The following MYO1C variants were observed in gnomAD, a reference collection of about 807,000 sequenced individuals.
MYO1C encodes unconventional myosin-Ic.
MYO1C carries 104 observed loss-of-function variants against 150.8 expected under a neutral mutation model. The observed-to-expected ratio is 0.69, with a 90% CI of 0.59 to 0.81. The LOEUF (loss-of-function observed/expected upper bound fraction) is 0.81. Ranked by LOEUF, MYO1C falls within the 30% of genes least tolerant of loss-of-function variation. The pLI is 0.00. For missense variants in MYO1C, 1,504 were observed against 1,435.0 expected (o/e 1.05, Z -0.78); for synonymous variants, 663 against 579.9 (o/e 1.14, Z -2.06).
rs1214515492 is a variant in MYO1C, at chr17:1,479,095, A to G, written c.1092+336T>C. On this transcript the variant is annotated intron_variant, in intron 9 of 31. Coordinates refer to ENST00000648651, the MANE Select transcript of MYO1C (RefSeq NM_001080779.2). The surrounding 1 kb of genome is among the most constrained non-coding windows in gnomAD (Gnocchi z 4.2). Reference sequence around the variant, plus strand: ...CTGCAACCTCCACCTCCCGGGTTCAAGCGATTCTCCTGCCTCAGCCTCCCG... The same window carrying G: ...CTGCAACCTCCACCTCCCGGGTTCAGGCGATTCTCCTGCCTCAGCCTCCCG... Among the ~76,000 whole-genome samples the G allele has an allele frequency of 1.3e-5, 2 of 152,198 alleles. No homozygotes were observed. The highest frequency in any genetic ancestry group is 2.9e-5 in the Non-Finnish European group (2 of 68,002).
intron 17 of MYO1C, among the ~76,000 whole-genome samples, chr17:1,474,140 A>C (rs1377380119): frequency 1.3e-5 from 2 of 152,032 alleles, no homozygotes; most frequent in Non-Finnish European, 2.9e-5. Context: ...CAAGTAGGCA[A>C]ACAGGGACAG....
At position 1,467,359 on chromosome 17, in the gene MYO1C, G is replaced by A; in HGVS notation, c.3066-18C>T. ...ACGTGATGCTGGGGGAACGGGGTGGGTGAGGGTTTTTCCATGGAGGCAGAC... is the reference window on the plus strand; with the variant it reads ...ACGTGATGCTGGGGGAACGGGGTGGATGAGGGTTTTTCCATGGAGGCAGAC... On this transcript the variant is annotated intron_variant, in intron 30 of 31. Transcript: ENST00000648651. 1.2e-6 allele frequency: 2 copies of A among 1,608,124 alleles called. No individual in the cohort carries two copies. Among genetic ancestry groups the A allele is most frequent in the African/African-American group, 1.3e-5 (1 of 74,968 alleles).
At chr17:1,482,643 C>T in intron 4 of MYO1C, 85 bp from the exon 5 acceptor site, 1 of 1,189,816 alleles carries the variant, frequency 8.4e-7, no homozygotes, top group Non-Finnish European at 1.2e-6. Flanking sequence ...CTGCCCCTCC[C>T]CTCCCGCACT....
rs1567515264 is a variant in MYO1C, at chr17:1,469,257, T to A, written c.2610+274A>T. ...GGGTCAATACTATAGACGGGGTAAATACAGTAGATTGCGGTAAATAGAGTA... is the reference window on the plus strand; with the variant it reads ...GGGTCAATACTATAGACGGGGTAAAAACAGTAGATTGCGGTAAATAGAGTA... On this transcript the variant is annotated intron_variant, in intron 25 of 31. Coordinates refer to ENST00000648651, the MANE Select transcript of MYO1C (RefSeq NM_001080779.2). 1.4e-5 allele frequency: 7 copies of A among 488,500 alleles called. No individual in the cohort carries two copies. The East Asian group carries it at 2.7e-4, about 19-fold the overall frequency. The allele number at this position is 488,500 out of a possible 1,614,324, so 30.3% of individuals were successfully genotyped here.
chr17:1,471,931 C>A lies in MYO1C; in HGVS notation c.1997G>T (p.Arg666Leu). The change falls in exon 19 of 32, where the codon CGC becomes CTC. Residue 666 changes from arginine to leucine, a missense_variant. Transcript: ENST00000648651. ...RVRRAGFAYR[R>L]KYEAFLQRYK... ...CCTTTGCAGGAAAGCTTCGTATTTG[C>A]GGCGATAGGCAAAGCCGGCTCTGCG... The A allele has an allele frequency of 1.2e-6, 2 of 1,614,080 alleles. No homozygotes were observed. Among genetic ancestry groups the A allele is most frequent in the Non-Finnish European group, 1.7e-6 (2 of 1,180,016 alleles).
In MYO1C at chr17:1,479,359, G is replaced by A. The variant is rs2074465231; in HGVS notation, c.1092+72C>T. The A allele has an allele frequency of 2.5e-6, 2 of 797,412 alleles. No individual in the cohort carries two copies. Among genetic ancestry groups the A allele is most frequent in the East Asian group, 2.7e-5 (1 of 37,670 alleles). 49.4% of individuals were successfully genotyped at this position (797,412 alleles called of 1,614,324 possible). On this transcript the variant is annotated intron_variant, in intron 9 of 31. Transcript: ENST00000648651. This position sits in a 1 kb window ranked among gnomAD's most constrained non-coding sequence, Gnocchi z 4.2. ...GCATTGCTGAGGGAACCAGGCGAAG[G>A]GGAGTGATGGGAGTAGGGGCTGCCT...
intron 1 of MYO1C, among the ~76,000 whole-genome samples, chr17:1,490,367 A>G (rs1373298223): frequency 2.6e-5 from 4 of 151,666 alleles, no homozygotes; most frequent in Non-Finnish European, 4.4e-5. Flanking sequence ...GCGCGGTGGC[A>G]CACACCTGTA....
rs567435923 is a variant in MYO1C, at chr17:1,470,179, C to T, written c.2522G>A (p.Arg841His). The T allele has an allele frequency of 5.6e-6, 9 of 1,609,254 alleles. No homozygotes were observed. The highest frequency in any genetic ancestry group is 1.9e-4 in the Middle Eastern group (1 of 5,282). The change falls in exon 24 of 32, where the codon CGT becomes CAT. Residue 841 changes from arginine (R) to histidine (H), a missense_variant. Coordinates refer to ENST00000648651, the MANE Select transcript of MYO1C (RefSeq NM_001080779.2). ...TSWPTPPPAL[R>H]EASELLRELC... ...TGGCAGGGGGTGCCCACAGACCTCA[C>T]GCAGGGCAGGTGGGGGCGTGGGCCA...
intron 13 of MYO1C, 140 bp from the exon 14 acceptor site, chr17:1,477,736 G>C: frequency 1.0e-6 from 1 of 996,298 alleles, no homozygotes; most frequent in Non-Finnish European, 1.6e-6. Flanking sequence ...TCCAACTGGG[G>C]CGGCACCTCC....
intron 1 of MYO1C, chr17:1,491,065 C>T (rs2074723998): frequency 6.6e-6 from 1 of 152,076 alleles, no homozygotes; most frequent in African/African-American, 2.4e-5. Flanking sequence ...GCTCCCACTC[C>T]CTACACGCAG....
rs777000610 is a variant in MYO1C, at chr17:1,482,479, T to C, written c.626A>G (p.Lys209Arg). ...GKYMDVQFDF[K>R]GAPVGGHILS... ...TCACGACACACACATCCATGGTACC[T>C]TGAAGTCAAACTGCACATCCATGTA... The change falls in exon 5 of 32, where the codon AAG becomes AGG. Residue 209 changes from lysine to arginine, a missense_variant and splice_region_variant. Transcript: ENST00000648651. 6.2e-7 allele frequency: 1 copy of C among 1,613,678 alleles called. No individual in the cohort carries two copies. Among genetic ancestry groups the C allele is most frequent in the South Asian group, 1.1e-5 (1 of 91,076 alleles).
chr17:1,473,396 C>T (rs535356295), intron 17 of MYO1C, among the ~76,000 whole-genome samples: 2 of 151,838 alleles, frequency 1.3e-5, no homozygotes, highest in South Asian at 2.1e-4. Context: ...GAGGCCTGGG[C>T]GGGAGGGTGT....
At chr17:1,488,070 G>T (rs1399938995) in intron 1 of MYO1C, among the ~76,000 whole-genome samples, 1 of 152,240 alleles carries the variant, frequency 6.6e-6, no homozygotes, top group African/African-American at 2.4e-5. Context: ...CCCGCGAGGC[G>T]TGGGGGACTC....
chr17:1,483,168 C>CTTGAGGATGTA (rs1448950011), intron 3 of MYO1C, 109 bp from the exon 4 acceptor site: 1 of 1,125,104 alleles, frequency 8.9e-7, no homozygotes, highest in Non-Finnish European at 1.3e-6. Flanking sequence ...CGAATACACC[C>CTTGAGGATGTA]TTGAGGATGG....
rs994755962 is a variant in MYO1C at position 1,464,909 on chromosome 17, T to G, written c.*817A>C. On this transcript the variant is annotated 3_prime_UTR_variant, in exon 32 of 32. Coordinates refer to ENST00000648651, the MANE Select transcript of MYO1C (RefSeq NM_001080779.2). ...CTCACTGCAACCTCCACTTCCCGGG[T>G]TCAAGTGATTCTCCTGCCTCAGCCT... is the stretch of plus-strand genomic sequence containing the variant. 1 of 151,220 alleles carries G rather than the reference T, an allele frequency of 6.6e-6. No homozygotes were observed. Among genetic ancestry groups the G allele is most frequent in the Non-Finnish European group, 1.5e-5 (1 of 67,990 alleles). The allele number at this position is 151,220 out of a possible 1,614,324, so 9.4% of individuals were successfully genotyped here. A position where few individuals can be genotyped will look rare whatever the true frequency, so the allele number is the denominator to read the frequency against.
In MYO1C at chr17:1,475,957, T is replaced by A. The variant is rs183650732; in HGVS notation, c.1575-925A>T. Among the ~76,000 whole-genome samples, 63 of 152,150 alleles carry A rather than the reference T, an allele frequency of 4.1e-4. 1 individual carries two copies. The South Asian group carries it at 4.4e-3, about 11-fold the overall frequency. ...TGAGCCTTATACACAAGTTCTCGAC[T>A]ACGAAAAAAAATGCATAGAAAAAGG... On this transcript the variant is annotated intron_variant, in intron 14 of 31. Transcript: ENST00000648651.
At chr17:1,484,443 GGGGGGCCTGGGTGCT>G (rs2150963736) in intron 1 of MYO1C, 140 bp from the exon 2 acceptor site, 3 of 1,040,578 alleles carry the variant, frequency 2.9e-6, no homozygotes, top group South Asian at 2.9e-5. Context: ...TGACGGGTGC[GGGGGGCCTGGGTGCT>G]GAGGGCCTGG....
Position 1,485,820 on chromosome 17 carries a change from C to A in MYO1C, c.76-1517G>T, listed in dbSNP as rs990779665. The A allele has an allele frequency of 2.5e-5, 16 of 645,330 alleles. No individual in the cohort carries two copies. In the African/African-American group the frequency reaches 2.8e-4, roughly 11 times the overall value. The allele number at this position is 645,330 out of a possible 1,614,324, so 40.0% of individuals were successfully genotyped here. On this transcript the variant is annotated intron_variant, in intron 1 of 31. Coordinates refer to ENST00000648651, the MANE Select transcript of MYO1C (RefSeq NM_001080779.2). ...GAGGGCCCGCCCCCCGCACCGCCCC[C>A]ACCCGGGCCCCTGAAGCGCGGGGCT...
In MYO1C at chr17:1,470,208, G is replaced by A; in HGVS notation, c.2493C>T (p.Thr831=). The change falls in exon 24 of 32, where the codon ACC becomes ACT. Residue 831 remains threonine, a synonymous_variant. Transcript: ENST00000648651. ...GGGCAGGTGGGGGCGTGGGCCACGA[G>A]GTGTCCAGGACATTCTGGGGCAGCT... ...RRQLPQNVLD[T]SWPTPPPALR... 1 of 1,611,730 alleles carries A rather than the reference G, an allele frequency of 6.2e-7. No homozygotes were observed. The highest frequency in any genetic ancestry group is 1.1e-5 in the South Asian group (1 of 90,908).
Sources: allele counts gnomAD v4.1 joint callset (sites outside exome capture counted in the v4.1 genomes callset), GRCh38; gene constraint gnomAD v4.1.1; non-coding constraint Gnocchi (gnomAD v3.1); transcripts MANE v1.5; gene names NCBI Gene and HGNC (gene_info 2026-07-23, HGNC 2026-07-21).